RPL35: variants seen among roughly 807,000 people sequenced by gnomAD.
RPL35 encodes the protein ribosomal protein L35, also known as large ribosomal subunit protein uL29.
A neutral mutation model predicts 15.6 loss-of-function variants in RPL35; 2 were observed. The ratio of observed to expected loss-of-function variants is 0.13; its 90% confidence interval spans 0.05 to 0.40. The LOEUF is 0.40. RPL35 is among the 10% of genes least tolerant of loss of function. The pLI, the probability that RPL35 is intolerant of heterozygous loss-of-function variation, is 0.99. For missense variants in RPL35, 111 were observed against 164.7 expected (o/e 0.67, Z 1.79); for synonymous variants, 93 against 67.9 (o/e 1.37, Z -1.82).
chr9:124,859,690 G>T (rs1829165484), intron 3 of RPL35, among the ~76,000 whole-genome samples: 1 of 152,174 alleles, frequency 6.6e-6, no homozygotes, highest in Non-Finnish European at 1.5e-5. Context: ...AAGACTAAGA[G>T]GGGGCCAGAC....
intron 3 of RPL35, among the ~76,000 whole-genome samples, chr9:124,859,608 C>T (rs184764662): frequency 1.3e-5 from 2 of 152,218 alleles, no homozygotes; most frequent in East Asian, 3.9e-4. Context: ...ACCGTCTCCC[C>T]CTAGTTTTCT....
chr9:124,860,403 A>T (rs1032835271), intron 2 of RPL35, 139 bp from the exon 3 acceptor site: 33 of 730,510 alleles, frequency 4.5e-5, no homozygotes, highest in Non-Finnish European at 2.0e-5. Context: ...GCGTTCTGGG[A>T]GTGAGGTCTG....
intron 3 of RPL35, chr9:124,858,445 T>C (rs1297822482): frequency 1.7e-5 from 12 of 714,058 alleles, no homozygotes; most frequent in African/African-American, 3.5e-5. Flanking sequence ...GCCCCGGGGG[T>C]AGTTACCATT....
chr9:124,860,242 C>T lies in RPL35; in HGVS notation c.163G>A (p.Ala55Thr). Residue 55 changes from alanine to threonine, a missense_variant, in exon 3 of 4, where the codon GCC becomes ACC. By Grantham distance (58) the Ala-to-Thr change is moderately conservative. Coordinates refer to ENST00000348462, the MANE Select transcript of RPL35 (RefSeq NM_007209.4). ...SKIRVVRKSI[A>T]RVLTVINQTQ... The stretch of plus-strand genomic sequence containing the variant: ...TGGTTAATAACTGTGAGAACACGGG[C>T]AATGGATTTCCGGACGACTCGGCTA... 1 of 1,614,090 alleles carries T rather than the reference C, an allele frequency of 6.2e-7. No homozygotes were observed. Among genetic ancestry groups the T allele is most frequent in the Non-Finnish European group, 8.5e-7 (1 of 1,179,942 alleles).
chr9:124,858,080 C>A lies in RPL35; in HGVS notation c.223-13G>T, dbSNP rs543615031. On this transcript the variant is annotated splice_polypyrimidine_tract_variant and intron_variant, in intron 3 of 3. Transcript: ENST00000348462. Reference sequence around the variant, plus strand: ...TGTACTTCTTGCCCTGGGAGACAGACGGCAGGGTGAATCCAAGGACCCAGG... The same window carrying A: ...TGTACTTCTTGCCCTGGGAGACAGAAGGCAGGGTGAATCCAAGGACCCAGG... 17 of 1,610,822 alleles carry A rather than the reference C, an allele frequency of 1.1e-5. No individual in the cohort carries two copies. The highest frequency in any genetic ancestry group is 1.4e-5 in the Non-Finnish European group (16 of 1,179,374).
At chr9:124,859,857 C>A (rs916517345) in intron 3 of RPL35, among the ~76,000 whole-genome samples, 1 of 152,092 alleles carries the variant, frequency 6.6e-6, no homozygotes, top group African/African-American at 2.4e-5. Context: ...ACACCCAGTG[C>A]CAGTAAGAGG....
At chr9:124,858,163 G>C in intron 3 of RPL35, 96 bp from the exon 4 acceptor site, 2 of 1,278,508 alleles carry the variant, frequency 1.6e-6, no homozygotes, top group Non-Finnish European at 2.2e-6. Context: ...GAGCCACTCA[G>C]GAGGAGGCTG....
intron 3 of RPL35, 120 bp downstream of exon 3, chr9:124,860,063 G>A: frequency 6.8e-6 from 5 of 736,086 alleles, no homozygotes. Flanking sequence ...GCAACAAATT[G>A]GGAAGGCTAA....
In RPL35 at chr9:124,858,062, C is replaced by T. The variant is rs768654235; in HGVS notation, c.228G>A (p.Lys76=). 8 of 1,612,344 alleles carry T rather than the reference C, an allele frequency of 5.0e-6. No homozygotes were observed. The highest frequency in any genetic ancestry group is 3.3e-5 in the Admixed American group (2 of 59,972). ...KENLRKFYKG[K]KYKPLDLRPK... ...GCCGCAGGTCCAGGGGCTTGTACTT[C>T]TTGCCCTGGGAGACAGACGGCAGGG... Residue 76 remains lysine, a synonymous_variant, in exon 4 of 4, where the codon AAG becomes AAA. Transcript: ENST00000348462.
Position 124,858,036 on chromosome 9 carries a change from G to A in RPL35, c.254C>T (p.Pro85Leu). The A allele has an allele frequency of 6.2e-7, 1 of 1,612,548 alleles. No individual in the cohort carries two copies. Among genetic ancestry groups the A allele is most frequent in the Non-Finnish European group, 8.5e-7 (1 of 1,180,012 alleles). The change falls in exon 4 of 4, where the codon CCT (proline) becomes CTT (leucine). Residue 85 changes from proline to leucine, a missense_variant. Physicochemically the swap from Pro to Leu is moderately conservative, Grantham distance 98. Transcript: ENST00000348462. Reference protein sequence around the residue: ...GKKYKPLDLRPKKTRAMRRRL... With the variant: ...GKKYKPLDLRLKKTRAMRRRL... ...GCGGCGCATGGCACGTGTCTTCTTA[G>A]GCCGCAGGTCCAGGGGCTTGTACTT...
At chr9:124,858,388 A>C (rs1247044228) in intron 3 of RPL35, 1 of 660,250 alleles carries the variant, frequency 1.5e-6, no homozygotes, top group Non-Finnish European at 2.8e-6. Flanking sequence ...CCCAGTCACG[A>C]GGACAGTCAC....
intron 3 of RPL35, chr9:124,858,446 A>C (rs756001117): frequency 1.8e-5 from 13 of 715,228 alleles, no homozygotes; most frequent in Middle Eastern, 4.6e-4. Context: ...CCCCGGGGGT[A>C]GTTACCATTA....
In RPL35 at chr9:124,861,525, T is replaced by C; in HGVS notation, c.34A>G (p.Lys12Glu). Residue 12 changes from lysine (K) to glutamate (E), a missense_variant, in exon 2 of 4, where the codon AAG (lysine) becomes GAG (glutamate). Lys to Glu is a moderately conservative substitution (Grantham distance 56, BLOSUM62 1). Coordinates refer to ENST00000348462, the MANE Select transcript of RPL35 (RefSeq NM_007209.4). ...TGTTTCAGCAGCTCCTCCTTCTTCT[T>C]CCCGCGAAGATCTCGAGCCTTGATC... is the stretch of plus-strand genomic sequence containing the variant. Reference protein sequence around the residue: ...AKIKARDLRGKKKEELLKQLD... With the variant: ...AKIKARDLRGEKKEELLKQLD... 1 of 1,613,838 alleles carries C rather than the reference T, an allele frequency of 6.2e-7. No individual in the cohort carries two copies. The highest frequency in any genetic ancestry group is 8.5e-7 in the Non-Finnish European group (1 of 1,179,972).
intron 2 of RPL35, 80 bp downstream of exon 2, chr9:124,861,339 C>G (rs959711377): frequency 1.3e-6 from 2 of 1,543,872 alleles, no homozygotes; most frequent in African/African-American, 2.7e-5. Flanking sequence ...GCTCCTTAAG[C>G]CAACTTTGAA....
chr9:124,861,339 C>A (rs959711377), intron 2 of RPL35, 80 bp downstream of exon 2: 58 of 1,543,872 alleles, frequency 3.8e-5, no homozygotes, highest in Admixed American at 1.7e-4. Context: ...GCTCCTTAAG[C>A]CAACTTTGAA....
chr9:124,861,625 C>A, intron 1 of RPL35, 70 bp from the exon 2 acceptor site: 2 of 1,568,554 alleles, frequency 1.3e-6, no homozygotes, highest in Admixed American at 1.8e-5. Context: ...GTGGCCAGCC[C>A]CCAAAGGCGC....
rs1564308923 is a variant in RPL35, at chr9:124,861,508, C to T, written c.51G>A (p.Leu17=). The stretch of plus-strand genomic sequence containing the variant: ...CCTTCAGGTCGTCCAGCTGTTTCAG[C>T]AGCTCCTCCTTCTTCTTCCCGCGAA... ...RDLRGKKKEE[L]LKQLDDLKVE... The change falls in exon 2 of 4, where the codon CTG becomes CTA. Residue 17 remains leucine, a synonymous_variant. Transcript: ENST00000348462. 7 of 1,613,970 alleles carry T rather than the reference C, an allele frequency of 4.3e-6. No homozygotes were observed. Among genetic ancestry groups the T allele is most frequent in the Non-Finnish European group, 5.9e-6 (7 of 1,180,020 alleles).
intron 2 of RPL35, chr9:124,861,147 C>T: frequency 2.3e-6 from 1 of 434,528 alleles, no homozygotes; most frequent in Non-Finnish European, 4.1e-6. Flanking sequence ...GGGTTAAAAA[C>T]TCAAGTGTTG....
intron 3 of RPL35, chr9:124,858,568 C>T (rs1376345929): frequency 1.4e-6 from 1 of 708,294 alleles, no homozygotes; most frequent in Non-Finnish European, 2.6e-6. Context: ...AGAGGCCTGG[C>T]TGGCCAAGGC....
Sources: gnomAD v4.1 joint callset for allele counts (sites outside exome capture counted in the v4.1 genomes callset) on GRCh38, gnomAD v4.1.1 for gene constraint, MANE v1.5 for transcripts, NCBI Gene and HGNC (gene_info 2026-07-23, HGNC 2026-07-21) for gene names.